The following MRPL15 variants were observed in gnomAD, a reference collection of about 807,000 sequenced individuals.
MRPL15 encodes the protein large ribosomal subunit protein uL15m.
In MRPL15, 24 loss-of-function variants were observed where a neutral mutation model predicts 28.0. The observed-to-expected ratio is 0.86, with a 90% CI of 0.62 to 1.21. The LOEUF (loss-of-function observed/expected upper bound fraction) is 1.21. MRPL15 is among the 50% of genes most tolerant of loss of function. MRPL15 has a pLI of 0.00. For missense variants in MRPL15, 343 were observed against 372.4 expected (o/e 0.92, Z 0.65); for synonymous variants, 124 against 137.0 (o/e 0.90, Z 0.66).
chr8:54,144,333 C>T (rs1232574263), intron 4 of MRPL15, among the ~76,000 whole-genome samples: 2 of 152,096 alleles, frequency 1.3e-5, no homozygotes, highest in Non-Finnish European at 2.9e-5. Context: ...TAAACATTTC[C>T]TGGCCAAATT....
chr8:54,142,816 TTCTC>T (rs867105411), intron 4 of MRPL15, 30 bp downstream of exon 4: 1 of 1,610,394 alleles, frequency 6.2e-7, no homozygotes, highest in African/African-American at 1.3e-5. Context: ...ATTTTCTTCT[TTCTC>T]TCTTTGTCTC....
chr8:54,138,301 CTTTTTTTTTTTT>C (rs71254537), intron 3 of MRPL15, among the ~76,000 whole-genome samples: 53 of 57,014 alleles, frequency 9.3e-4, no homozygotes, highest in East Asian at 4.8e-3. Flanking sequence ...TCAGGAAGAT[CTTTTTTTTTTTT>C]TTTTTTTTTT....
At chr8:54,142,301 C>T (rs528457683) in intron 3 of MRPL15, among the ~76,000 whole-genome samples, 4 of 151,954 alleles carry the variant, frequency 2.6e-5, no homozygotes, top group South Asian at 2.1e-4. Flanking sequence ...ACTACAGGCA[C>T]GCGGCACCAC....
intron 4 of MRPL15, 189 bp downstream of exon 4, chr8:54,142,975 G>A (rs1810956518): frequency 1.2e-6 from 1 of 805,240 alleles, no homozygotes; most frequent in Non-Finnish European, 1.9e-6. Flanking sequence ...GGGCAAAAAA[G>A]GCTCTCAGCC....
At chr8:54,142,633 T>G in intron 3 of MRPL15, 30 bp from the exon 4 acceptor site, 1 of 1,606,306 alleles carries the variant, frequency 6.2e-7, no homozygotes. Context: ...GCCAAGCTGT[T>G]TACCAACAGA....
intron 4 of MRPL15, among the ~76,000 whole-genome samples, chr8:54,147,037 A>G (rs1298686510): frequency 6.6e-6 from 1 of 152,206 alleles, no homozygotes; most frequent in Non-Finnish European, 1.5e-5. Flanking sequence ...GTTCCAGACC[A>G]GCCTGACCAA....
At chr8:54,140,574 C>CTTTTTTTTTTTTTTTTTTTTTT (rs71551976) in intron 3 of MRPL15, among the ~76,000 whole-genome samples, 4 of 99,576 alleles carry the variant, frequency 4.0e-5, no homozygotes, top group Admixed American at 1.2e-4. Flanking sequence ...ATTTTCTTTT[C>CTTTTTTTTTTTTTTTTTTTTTT]TTTTTTTTTT....
chr8:54,141,272 G>A (rs1024470238), intron 3 of MRPL15, among the ~76,000 whole-genome samples: 1 of 152,174 alleles, frequency 6.6e-6, no homozygotes, highest in Non-Finnish European at 1.5e-5. Flanking sequence ...TATGAAGTCG[G>A]TATTTCCGTC....
At chr8:54,137,130 A>G (rs1353666757) in intron 2 of MRPL15, 138 bp from the exon 3 acceptor site, 1 of 809,834 alleles carries the variant, frequency 1.2e-6, no homozygotes, top group African/African-American at 1.7e-5. Flanking sequence ...GCAGTATTAC[A>G]TGTTTGTGTT....
intron 3 of MRPL15, among the ~76,000 whole-genome samples, chr8:54,141,355 G>A (rs1810923111): frequency 6.6e-6 from 1 of 152,120 alleles, no homozygotes. Flanking sequence ...CATCTATGAA[G>A]TCGGTATTTC....
At chr8:54,145,476 G>A (rs1811026582) in intron 4 of MRPL15, among the ~76,000 whole-genome samples, 1 of 151,636 alleles carries the variant, frequency 6.6e-6, no homozygotes, top group South Asian at 2.1e-4. Context: ...CACCATGCCG[G>A]GCCAGAAATT....
At chr8:54,145,636 C>CT (rs34855571) in intron 4 of MRPL15, among the ~76,000 whole-genome samples, 2 of 151,878 alleles carry the variant, frequency 1.3e-5, no homozygotes, top group African/African-American at 4.8e-5. Flanking sequence ...ACCATGCTAA[C>CT]TTTTTTTTGT....
In MRPL15 at chr8:54,135,342, C is replaced by A. The variant is rs771884045; in HGVS notation, c.59C>A (p.Pro20Gln). 3 of 1,507,210 alleles carry A rather than the reference C, an allele frequency of 2.0e-6. No individual in the cohort carries two copies. The highest frequency in any genetic ancestry group is 2.8e-5 in the East Asian group (1 of 35,998). The allele number at this position is 1,507,210 out of a possible 1,614,324, so 93.4% of individuals were successfully genotyped here. Residue 20 changes from proline to glutamine, a missense_variant, in exon 1 of 5, where the codon CCG becomes CAG. Pro to Gln is a moderately conservative substitution (Grantham distance 76). Coordinates refer to ENST00000260102, the MANE Select transcript of MRPL15 (RefSeq NM_014175.4). ...ARALDLLRGL[P>Q]RVSLANLKPN... ...GCCCTGGACCTACTCCGGGGCCTGCCGCGTGTGAGCCTGGCCAACTTAAAG... is the reference window on the plus strand; with the variant it reads ...GCCCTGGACCTACTCCGGGGCCTGCAGCGTGTGAGCCTGGCCAACTTAAAG...
chr8:54,137,475 T>C (rs1188883147), intron 3 of MRPL15, 42 bp downstream of exon 3: 1 of 1,586,000 alleles, frequency 6.3e-7, no homozygotes, highest in Non-Finnish European at 8.6e-7. Context: ...TAGGAGGATT[T>C]TTTTTTTAGA....
intron 3 of MRPL15, among the ~76,000 whole-genome samples, chr8:54,140,166 T>C (rs570013518): frequency 1.6e-4 from 24 of 152,342 alleles, no homozygotes; most frequent in African/African-American, 5.8e-4. Context: ...TATCAGAATC[T>C]GCTTTGAAAT....
At position 54,136,622 on chromosome 8, in the gene MRPL15, T is replaced by C. The variant is rs779478151; in HGVS notation, c.220T>C (p.Phe74Leu). 2 of 1,614,194 alleles carry C rather than the reference T, an allele frequency of 1.2e-6. No individual in the cohort carries two copies. Among genetic ancestry groups the C allele is most frequent in the Non-Finnish European group, 1.7e-6 (2 of 1,180,020 alleles). The stretch of plus-strand genomic sequence containing the variant: ...GGGCTTTGAGGGAGGCCAGACTCCA[T>C]TTTACATCCGAATCCCAAAATACGG... ...RLGFEGGQTP[F>L]YIRIPKYGFN... The change falls in exon 2 of 5, where the codon TTT becomes CTT. Residue 74 changes from phenylalanine (F) to leucine (L), a missense_variant. Phe to Leu is a conservative substitution (Grantham distance 22, BLOSUM62 0). Transcript: ENST00000260102.
Position 54,148,094 on chromosome 8 carries a change from G to A in MRPL15, c.*375G>A, listed in dbSNP as rs1470213993. Among the ~76,000 whole-genome samples the A allele has an allele frequency of 2.0e-5, 3 of 152,196 alleles. No individual in the cohort carries two copies. Among genetic ancestry groups the A allele is most frequent in the African/African-American group, 7.2e-5 (3 of 41,454 alleles). On this transcript the variant is annotated 3_prime_UTR_variant, in exon 5 of 5. Coordinates refer to ENST00000260102, the MANE Select transcript of MRPL15 (RefSeq NM_014175.4). ...ACCTGTAGGCCTGCTCTGCCGAGAT[G>A]AGAGCAGATGGAATGAGTTGGTGAC...
At position 54,144,342 on chromosome 8, in the gene MRPL15, T is replaced by C. The variant is rs536638836; in HGVS notation, c.553+1556T>C. Among the ~76,000 whole-genome samples the C allele has an allele frequency of 5.3e-5, 8 of 152,310 alleles. No individual in the cohort carries two copies. In the South Asian group the frequency reaches 1.7e-3, roughly 32 times the overall value. ...GGGAGTTAAACATTTCCTGGCCAAA[T>C]TGCATGATTAGAAGAAAATTCTTTG... is the stretch of plus-strand genomic sequence containing the variant. On this transcript the variant is annotated intron_variant, in intron 4 of 4. Coordinates refer to ENST00000260102, the MANE Select transcript of MRPL15 (RefSeq NM_014175.4).
rs569958160 is a variant in MRPL15 at position 54,141,595 on chromosome 8, G to C, written c.430-1068G>C. On this transcript the variant is annotated intron_variant, in intron 3 of 4. Coordinates refer to ENST00000260102, the MANE Select transcript of MRPL15 (RefSeq NM_014175.4). ...AGAGATATTTAAAATAGGAATTATA[G>C]TCGTCCCTTAGGATTGGTTCCATGA... Among the ~76,000 whole-genome samples, 13 of 152,210 alleles carry C rather than the reference G, an allele frequency of 8.5e-5. No individual in the cohort carries two copies. The South Asian group carries it at 2.7e-3, about 32-fold the overall frequency.
Sources: gnomAD v4.1 joint callset for allele counts (sites outside exome capture counted in the v4.1 genomes callset) on GRCh38, gnomAD v4.1.1 for gene constraint, MANE v1.5 for transcripts, NCBI Gene and HGNC (gene_info 2026-07-23, HGNC 2026-07-21) for gene names.